ADGRL3: variants seen among roughly 807,000 people sequenced by gnomAD.
The protein encoded by ADGRL3 is adhesion G protein-coupled receptor L3.
Under a neutral mutation model 153.5 loss-of-function variants are expected in ADGRL3, and 62 were observed. The ratio of observed to expected loss-of-function variants is 0.40; its 90% confidence interval spans 0.33 to 0.50. The LOEUF (loss-of-function observed/expected upper bound fraction) is 0.50, where lower values mean the gene tolerates loss of function less well. ADGRL3 is among the 20% of genes least tolerant of loss of function. The pLI, the probability that ADGRL3 is intolerant of heterozygous loss-of-function variation, is 0.47. For missense variants in ADGRL3, 1,641 were observed against 1,859.4 expected, an observed-to-expected ratio of 0.88 and a Z score of 2.16; for synonymous variants, 710 against 672.5, an observed-to-expected ratio of 1.06 and a Z score of -0.86.
At chr4:61,387,010 C>G (rs1322544077) in intron 2 of ADGRL3, among the ~76,000 whole-genome samples, 1 of 152,130 alleles carries the variant, frequency 6.6e-6, no homozygotes, top group Non-Finnish European at 1.5e-5. Flanking sequence ...GGACCTGCCC[C>G]AATAATCACG....
At chr4:61,318,126 A>G (rs1376611960) in intron 1 of ADGRL3, among the ~76,000 whole-genome samples, 1 of 150,408 alleles carries the variant, frequency 6.6e-6, no homozygotes, top group Non-Finnish European at 1.5e-5. Flanking sequence ...GCAGTGAGCC[A>G]AAGGTTGCAG....
At chr4:61,353,419 C>T (rs2096092445) in intron 1 of ADGRL3, among the ~76,000 whole-genome samples, 1 of 151,798 alleles carries the variant, frequency 6.6e-6, no homozygotes, top group South Asian at 2.1e-4. Flanking sequence ...CCATGGAATA[C>T]ATGTTTTAAA....
At chr4:61,596,998 T>C (rs186375903) in intron 5 of ADGRL3, among the ~76,000 whole-genome samples, 5 of 152,226 alleles carry the variant, frequency 3.3e-5, no homozygotes, top group Admixed American at 3.3e-4. Flanking sequence ...CTATTTGTGA[T>C]TATGATTTCC....
chr4:61,494,367 A>T (rs562428361), intron 2 of ADGRL3, among the ~76,000 whole-genome samples: 1 of 152,156 alleles, frequency 6.6e-6, no homozygotes, highest in Admixed American at 6.5e-5. Context: ...GTCACAGAGG[A>T]AGGCAAAAAA....
chr4:61,677,810 T>G (rs1289952820), intron 6 of ADGRL3, among the ~76,000 whole-genome samples: 2 of 152,014 alleles, frequency 1.3e-5, no homozygotes, highest in African/African-American at 2.4e-5. Context: ...TTTGTAAAGA[T>G]AGTTCTAGGC....
chr4:61,297,626 G>A (rs1320106813), intron 1 of ADGRL3, among the ~76,000 whole-genome samples: 1 of 151,632 alleles, frequency 6.6e-6, no homozygotes, highest in Admixed American at 6.6e-5. Context: ...AGGTATCCTG[G>A]AGATGAGGAG....
chr4:61,694,741 G>T lies in ADGRL3; in HGVS notation c.583+17806G>T, dbSNP rs115675999. On this transcript the variant is annotated intron_variant, in intron 6 of 26. Coordinates refer to ENST00000683033, the MANE Select transcript of ADGRL3 (RefSeq NM_001387552.1). ...TTCACAAAAGATTTATTTGTAGCAT[G>T]CAAGGCTGTTTGATAGCATTTGGCC... is the stretch of plus-strand genomic sequence containing the variant. Among the ~76,000 whole-genome samples, 877 of 152,298 alleles carry T rather than the reference G, an allele frequency of 5.8e-3. 5 individuals are homozygous for T. The highest frequency in any genetic ancestry group is 0.02 in the African/African-American group (835 of 41,570).
At chr4:61,927,702 C>A (rs1450377214) in intron 13 of ADGRL3, among the ~76,000 whole-genome samples, 3 of 152,124 alleles carry the variant, frequency 2.0e-5, no homozygotes, top group Non-Finnish European at 4.4e-5. Flanking sequence ...TAACACTTGA[C>A]CTTTACATTT....
chr4:61,817,137 ACAGGTCTG>A (rs2097696536), intron 9 of ADGRL3, among the ~76,000 whole-genome samples: 2 of 145,458 alleles, frequency 1.4e-5, no homozygotes, highest in South Asian at 4.4e-4. Context: ...GTAGCTTGGC[ACAGGTCTG>A]CAGACCCCCC....
At chr4:61,319,897 A>G (rs1428891838) in intron 1 of ADGRL3, among the ~76,000 whole-genome samples, 1 of 152,154 alleles carries the variant, frequency 6.6e-6, no homozygotes, top group African/African-American at 2.4e-5. Flanking sequence ...TATGTACTGA[A>G]TTGTGCTCCC....
intron 9 of ADGRL3, among the ~76,000 whole-genome samples, chr4:61,823,163 C>G (rs2097770986): frequency 6.6e-6 from 1 of 152,148 alleles, no homozygotes; most frequent in Non-Finnish European, 1.5e-5. Flanking sequence ...CCCAGCTTCC[C>G]TAAGATTGCT....
intron 1 of ADGRL3, among the ~76,000 whole-genome samples, chr4:61,315,482 A>G (rs2095174278): frequency 6.6e-6 from 1 of 152,206 alleles, no homozygotes; most frequent in Admixed American, 6.5e-5. Flanking sequence ...GGCTCTGTAT[A>G]CAAAGTTCCT....
chr4:61,877,717 G>A (rs919777046), intron 9 of ADGRL3, among the ~76,000 whole-genome samples: 6 of 152,150 alleles, frequency 3.9e-5, no homozygotes, highest in Non-Finnish European at 7.4e-5. Flanking sequence ...GTTTGTAGAT[G>A]ACCACTGTCT....
At chr4:61,884,954 G>C (rs1034708938) in intron 9 of ADGRL3, among the ~76,000 whole-genome samples, 3 of 150,684 alleles carry the variant, frequency 2.0e-5, no homozygotes, top group African/African-American at 7.3e-5. Flanking sequence ...TAATAACTTG[G>C]AATATTGAGA....
At chr4:61,603,766 G>A (rs766141945) in intron 5 of ADGRL3, among the ~76,000 whole-genome samples, 1 of 151,990 alleles carries the variant, frequency 6.6e-6, no homozygotes, top group Non-Finnish European at 1.5e-5. Context: ...CCTGACATCT[G>A]GGATTCAGTT....
chr4:61,717,648 C>A (rs2096148239), intron 6 of ADGRL3, among the ~76,000 whole-genome samples: 1 of 152,044 alleles, frequency 6.6e-6, no homozygotes, highest in African/African-American at 2.4e-5. Flanking sequence ...TCTATAAATT[C>A]TTCTTGTTTT....
At chr4:61,651,932 A>T (rs1196640523) in intron 5 of ADGRL3, among the ~76,000 whole-genome samples, 1 of 152,048 alleles carries the variant, frequency 6.6e-6, no homozygotes, top group Non-Finnish European at 1.5e-5. Flanking sequence ...AATAACTTTT[A>T]AAGGTCATTT....
intron 6 of ADGRL3, among the ~76,000 whole-genome samples, chr4:61,717,602 C>A (rs1450675417): frequency 9.9e-5 from 15 of 152,140 alleles, no homozygotes; most frequent in Admixed American, 9.8e-4. Context: ...TAAGAGTTTA[C>A]ACATAGTAAA....
At chr4:61,745,382 A>C (rs2096642498) in intron 8 of ADGRL3, among the ~76,000 whole-genome samples, 1 of 152,160 alleles carries the variant, frequency 6.6e-6, no homozygotes, top group Non-Finnish European at 1.5e-5. Flanking sequence ...CTCCTCGAGA[A>C]GAGCAACTCC....
Sources: allele counts gnomAD v4.1 joint callset (sites outside exome capture counted in the v4.1 genomes callset), GRCh38; gene constraint gnomAD v4.1.1; transcripts MANE v1.5; gene names NCBI Gene and HGNC (gene_info 2026-07-23, HGNC 2026-07-21).